Variants in MYO16 observed in about 807,000 individuals in gnomAD.
MYO16 encodes the protein myosin XVI.
MYO16 carries 94 observed loss-of-function variants against 205.3 expected under a neutral mutation model. That is an observed-to-expected ratio of 0.46 (90% CI 0.39 to 0.54). The LOEUF (loss-of-function observed/expected upper bound fraction) is 0.54, where lower values mean the gene tolerates loss of function less well. Ranked by LOEUF, MYO16 falls within the 20% of genes least tolerant of loss-of-function variation. MYO16 has a pLI of 0.00. For missense variants in MYO16, 2,315 were observed against 2,387.5 expected (o/e 0.97, Z 0.63); for synonymous variants, 988 against 954.0 (o/e 1.04, Z -0.66).
At chr13:108,847,486 T>G (rs893959970) in intron 10 of MYO16, among the ~76,000 whole-genome samples, 2 of 152,172 alleles carry the variant, frequency 1.3e-5, no homozygotes, top group African/African-American at 4.8e-5. Flanking sequence ...TCACATTTCA[T>G]AGGAAAGCTT....
intron 23 of MYO16, among the ~76,000 whole-genome samples, chr13:109,036,989 C>A (rs558781300): frequency 6.6e-6 from 1 of 152,316 alleles, no homozygotes; most frequent in South Asian, 2.1e-4. Context: ...AATCTTCTCT[C>A]TGCTGCTCCA....
At chr13:108,897,064 G>T (rs1226689985) in intron 14 of MYO16, among the ~76,000 whole-genome samples, 1 of 152,062 alleles carries the variant, frequency 6.6e-6, no homozygotes, top group African/African-American at 2.4e-5. Flanking sequence ...AAGTAGGATA[G>T]TGTTCTCAAA....
At chr13:108,605,221 A>AAT (rs2139306404) in intron 1 of MYO16, among the ~76,000 whole-genome samples, 2 of 152,320 alleles carry the variant, frequency 1.3e-5, no homozygotes, top group East Asian at 3.9e-4. Context: ...TTGAAAGCTA[A>AAT]ATATAGCCAT....
rs181605016 is a variant in MYO16, at chr13:108,829,624, G to A, written c.1097+6346G>A. 3.0e-3 allele frequency among the ~76,000 whole-genome samples: 455 copies of A among 152,268 alleles called. 1 individual carries two copies. The highest frequency in any genetic ancestry group is 0.014 in the Middle Eastern group (4 of 294). ...ATAGAGAAGAAATGCCACTTTCCTA[G>A]GGATGAGAAAAGACTATGAGGAGGG... On this transcript the variant is annotated intron_variant, in intron 9 of 34. Transcript: ENST00000457511.
At chr13:108,696,509 T>C (rs182185215) in intron 2 of MYO16, among the ~76,000 whole-genome samples, 18 of 152,312 alleles carry the variant, frequency 1.2e-4, no homozygotes, top group Admixed American at 9.8e-4. Context: ...CATTTTTCTC[T>C]TTAAATGAAA....
chr13:108,770,944 T>C (rs1233409193), intron 4 of MYO16, among the ~76,000 whole-genome samples: 1 of 152,196 alleles, frequency 6.6e-6, no homozygotes, highest in Non-Finnish European at 1.5e-5. Context: ...GTGGAAATGA[T>C]GAGGTTGGAA....
chr13:108,784,042 A>C (rs1886384960), intron 4 of MYO16, among the ~76,000 whole-genome samples: 1 of 152,224 alleles, frequency 6.6e-6, no homozygotes, highest in Non-Finnish European at 1.5e-5. Context: ...TGTGATAACA[A>C]GCAGAGTTAT....
In MYO16 at chr13:108,635,764, T is replaced by A. The variant is rs9559378; in HGVS notation, c.28+5892T>A. Among the ~76,000 whole-genome samples the A allele has an allele frequency of 2.8e-3, 433 of 152,294 alleles. 16 individuals are homozygous for A. In the East Asian group the frequency reaches 0.069, roughly 24 times the overall value. Reference sequence around the variant, plus strand: ...ATCCACCCGCCTCAGCCTCCCAAAGTGCTGGGATTACAGGTATGAGCCACC... The same window carrying A: ...ATCCACCCGCCTCAGCCTCCCAAAGAGCTGGGATTACAGGTATGAGCCACC... On this transcript the variant is annotated intron_variant, in intron 1 of 34. Coordinates refer to ENST00000457511, the MANE Select transcript of MYO16 (RefSeq NM_001198950.3).
At chr13:108,903,700 T>C (rs1880825916) in intron 15 of MYO16, among the ~76,000 whole-genome samples, 2 of 152,222 alleles carry the variant, frequency 1.3e-5, no homozygotes, top group South Asian at 4.1e-4. Context: ...AGTGATACTT[T>C]TAAATAATTC....
intron 7 of MYO16, among the ~76,000 whole-genome samples, chr13:108,809,061 A>T (rs1387877186): frequency 6.6e-6 from 1 of 152,234 alleles, no homozygotes; most frequent in Non-Finnish European, 1.5e-5. Flanking sequence ...AGAGAAACAC[A>T]GTCATGAACT....
chr13:108,590,520 G>T, the MYO16 span, among the ~76,000 whole-genome samples: 1 of 152,134 alleles, frequency 6.6e-6, no homozygotes, highest in African/African-American at 2.4e-5. Flanking sequence ...AATGAGACCT[G>T]CAAATGTGAC....
intron 6 of MYO16, among the ~76,000 whole-genome samples, chr13:108,796,949 A>G (rs548684575): frequency 6.7e-6 from 1 of 149,948 alleles, no homozygotes; most frequent in African/African-American, 2.5e-5. Flanking sequence ...AATTAAAATT[A>G]AAAAAAAAGA....
At chr13:108,696,666 A>G (rs1196610001) in intron 2 of MYO16, among the ~76,000 whole-genome samples, 2 of 152,196 alleles carry the variant, frequency 1.3e-5, no homozygotes, top group African/African-American at 2.4e-5. Context: ...TGATAGTTAC[A>G]CAGGTGTATA....
chr13:108,541,517 C>T, the MYO16 span, among the ~76,000 whole-genome samples: 4 of 151,782 alleles, frequency 2.6e-5, no homozygotes, highest in African/African-American at 7.3e-5. Flanking sequence ...TATTATATTT[C>T]ACTCTTTAGT....
chr13:108,587,870 G>A, the MYO16 span, among the ~76,000 whole-genome samples: 2 of 150,418 alleles, frequency 1.3e-5, no homozygotes, highest in African/African-American at 5.0e-5. Flanking sequence ...GCTATCATCT[G>A]GGTCATAAGT....
intron 10 of MYO16, among the ~76,000 whole-genome samples, chr13:108,853,442 T>C (rs1208417121): frequency 6.6e-6 from 1 of 152,162 alleles, no homozygotes; most frequent in Non-Finnish European, 1.5e-5. Context: ...AAAACTATAT[T>C]ATATGCTTGG....
chr13:108,906,951 G>A (rs1490329676), intron 15 of MYO16, among the ~76,000 whole-genome samples: 1 of 152,072 alleles, frequency 6.6e-6, no homozygotes, highest in Non-Finnish European at 1.5e-5. Context: ...ATAATGAGAT[G>A]GAAAGAAATG....
intron 23 of MYO16, among the ~76,000 whole-genome samples, chr13:109,035,782 G>A (rs982034352): frequency 6.6e-6 from 1 of 152,178 alleles, no homozygotes; most frequent in African/African-American, 2.4e-5. Context: ...CCACATAGAA[G>A]GACTGAGTTA....
intron 20 of MYO16, among the ~76,000 whole-genome samples, chr13:108,986,592 A>C (rs1000386723): frequency 7.1e-6 from 1 of 141,034 alleles, no homozygotes; most frequent in African/African-American, 2.7e-5. Context: ...ATTGCACTCC[A>C]GCCTGGGCAA....
Sources: gnomAD v4.1 joint callset for allele counts (sites outside exome capture counted in the v4.1 genomes callset) on GRCh38, gnomAD v4.1.1 for gene constraint, MANE v1.5 for transcripts, NCBI Gene and HGNC (gene_info 2026-07-23, HGNC 2026-07-21) for gene names.